Variants in EPB41 observed in about 807,000 individuals in gnomAD.
EPB41 encodes the protein protein 4.1.
In EPB41, 65 loss-of-function variants were observed where a neutral mutation model predicts 108.0. The ratio of observed to expected loss-of-function variants is 0.60; its 90% CI spans 0.49 to 0.74. The LOEUF is 0.74. Among genes scored for constraint, EPB41 ranks in the 30% least tolerant of loss-of-function variants. The pLI is 0.00. For missense variants in EPB41, 875 were observed against 1,037.0 expected, an observed-to-expected ratio of 0.84 and a Z score of 2.15; for synonymous variants, 336 against 358.9, an observed-to-expected ratio of 0.94 and a Z score of 0.72.
At chr1:29,037,301 C>G (rs990738180) in intron 10 of EPB41, among the ~76,000 whole-genome samples, 1 of 151,826 alleles carries the variant, frequency 6.6e-6, no homozygotes, top group African/African-American at 2.4e-5. Flanking sequence ...AGGCTGGTCT[C>G]GAACTCCTGA....
chr1:29,059,350 T>C (rs939006307), intron 14 of EPB41, among the ~76,000 whole-genome samples: 1 of 152,164 alleles, frequency 6.6e-6, no homozygotes, highest in East Asian at 1.9e-4. Context: ...CAAAATATGT[T>C]TTTAAGCAAA....
rs532527762 is a variant in EPB41 at position 29,065,322 on chromosome 1, T to C, written c.2184+164T>C. The C allele has an allele frequency of 3.1e-4, 408 of 1,322,440 alleles. 2 individuals are homozygous for C. Among genetic ancestry groups the C allele is most frequent in the Non-Finnish European group, 1.5e-4 (149 of 1,018,474 alleles). 81.9% of individuals were successfully genotyped at this position (1,322,440 alleles called of 1,614,324 possible). A position where few individuals can be genotyped will look rare whatever the true frequency, so the allele number is the denominator to read the frequency against. On this transcript the variant is annotated intron_variant, in intron 16 of 20. Transcript: ENST00000343067. ...CATTTGTAATCAAATATTTATTTTT[T>C]TTTAAGTCAGGTAGGCTACCCAGTG...
chr1:29,097,725 CTT>C lies in EPB41; in HGVS notation c.2185-80_2185-79del. 6 of 1,522,792 alleles carry C rather than the reference CTT, an allele frequency of 3.9e-6. No homozygotes were observed. The South Asian group carries it at 6.8e-5, about 17-fold the overall frequency. The allele number at this position is 1,522,792 out of a possible 1,614,324, so 94.3% of individuals were successfully genotyped here. On this transcript the variant is annotated intron_variant, in intron 16 of 20. Coordinates refer to ENST00000343067, the MANE Select transcript of EPB41 (RefSeq NM_001376013.1). ...GCTCTGTACTTAATTAAAGCTAACACTTTGATCAGATCAGTGTCAGAAGATTA... is the reference window on the plus strand; with the variant it reads ...GCTCTGTACTTAATTAAAGCTAACACTGATCAGATCAGTGTCAGAAGATTA...
rs1572543871 is a variant in EPB41, at chr1:29,018,439, A to T, written c.1121A>T (p.Tyr374Phe). Residue 374 changes from tyrosine (Y) to phenylalanine (F), a missense_variant, in exon 7 of 21, where the codon TAC becomes TTC. By Grantham distance (22) the Tyr-to-Phe change is conservative. Transcript: ENST00000343067. This position sits in a 1 kb window ranked among gnomAD's most constrained non-coding sequence, Gnocchi z 4.4. ...EEKVMELHKS[Y>F]RSMTPAQADL... ...AAGGTCATGGAACTGCATAAGTCATACAGGTGAATATGTCTCCAGGGTTTG... is the reference window on the plus strand; with the variant it reads ...AAGGTCATGGAACTGCATAAGTCATTCAGGTGAATATGTCTCCAGGGTTTG... The T allele has an allele frequency of 1.2e-6, 2 of 1,613,892 alleles. No individual in the cohort carries two copies. The highest frequency in any genetic ancestry group is 1.7e-6 in the Non-Finnish European group (2 of 1,179,924).
chr1:28,966,225 A>G (rs953630559), intron 1 of EPB41, among the ~76,000 whole-genome samples: 5 of 152,006 alleles, frequency 3.3e-5, no homozygotes, highest in Admixed American at 6.6e-5. Context: ...TAATTAAGTT[A>G]CAGTTAGCAT....
chr1:29,042,102 A>C (rs1160115340), intron 11 of EPB41, among the ~76,000 whole-genome samples: 1 of 152,252 alleles, frequency 6.6e-6, no homozygotes, highest in South Asian at 2.1e-4. Context: ...CAGCAGCCAT[A>C]GTCACCATTT....
At chr1:29,042,925 T>C (rs1642061547) in intron 11 of EPB41, among the ~76,000 whole-genome samples, 1 of 152,160 alleles carries the variant, frequency 6.6e-6, no homozygotes, top group Non-Finnish European at 1.5e-5. Flanking sequence ...TGACATCTGG[T>C]AAATGGAAGT....
Position 28,987,838 on chromosome 1 carries a change from C to G in EPB41, c.401C>G (p.Ala134Gly). Residue 134 changes from alanine (A) to glycine (G), a missense_variant, in exon 2 of 21, where the codon GCT (alanine) becomes GGT (glycine). By Grantham distance (60) the Ala-to-Gly change is moderately conservative (BLOSUM62 0). Coordinates refer to ENST00000343067, the MANE Select transcript of EPB41 (RefSeq NM_001376013.1). ...ATCATTTTAAAGGCCCCAATTGCAGCTCCTGAACCGGAACTCAAAACAGAC... is the reference window on the plus strand; with the variant it reads ...ATCATTTTAAAGGCCCCAATTGCAGGTCCTGAACCGGAACTCAAAACAGAC... The part of the protein sequence containing the change: ...EEIILKAPIA[A>G]PEPELKTDPS... The G allele has an allele frequency of 6.2e-7, 1 of 1,614,210 alleles. No homozygotes were observed. The highest frequency in any genetic ancestry group is 2.2e-5 in the East Asian group (1 of 44,888).
At chr1:29,016,864 C>T (rs2096585358) in intron 6 of EPB41, among the ~76,000 whole-genome samples, 1 of 152,162 alleles carries the variant, frequency 6.6e-6, no homozygotes, top group African/African-American at 2.4e-5. Flanking sequence ...TCTGATTTTG[C>T]TGCCAACTAT....
At position 29,018,320 on chromosome 1, in the gene EPB41, G is replaced by C; in HGVS notation, c.1002G>C (p.Gln334His). The C allele has an allele frequency of 6.2e-7, 1 of 1,614,144 alleles. No homozygotes were observed. The highest frequency in any genetic ancestry group is 8.5e-7 in the Non-Finnish European group (1 of 1,180,034). Residue 334 changes from glutamine to histidine, a missense_variant, in exon 7 of 21, where the codon CAG (glutamine) becomes CAC (histidine). By Grantham distance (24) the Gln-to-His change is conservative. Around this residue, in one of 3 missense-constraint regions of EPB41, gnomAD observed 353 missense variants for 393.2 expected, o/e 0.90. Coordinates refer to ENST00000343067, the MANE Select transcript of EPB41 (RefSeq NM_001376013.1). The surrounding 1 kb of genome is among the most constrained non-coding windows in gnomAD (Gnocchi z 4.4). ...CATTATTAGGTTCTTACACCATCCA[G>C]TCTGAACTGGGAGACTACGACCCAG... is the stretch of plus-strand genomic sequence containing the variant. ...TLALLGSYTI[Q>H]SELGDYDPEL...
chr1:28,975,906 A>C (rs1160034980), intron 1 of EPB41, among the ~76,000 whole-genome samples: 5 of 141,336 alleles, frequency 3.5e-5, no homozygotes, highest in Admixed American at 1.6e-4. Context: ...CCGCCACTGC[A>C]CTCCAGCCTG....
chr1:29,111,638 G>C (rs1317170621), intron 18 of EPB41, among the ~76,000 whole-genome samples: 1 of 151,680 alleles, frequency 6.6e-6, no homozygotes, highest in East Asian at 1.9e-4. Flanking sequence ...GGGCGACAGA[G>C]CAAGACTCCG....
At chr1:28,983,465 G>A (rs928879683) in intron 1 of EPB41, among the ~76,000 whole-genome samples, 1 of 152,088 alleles carries the variant, frequency 6.6e-6, no homozygotes, top group African/African-American at 2.4e-5. Flanking sequence ...TATTAGAATT[G>A]TAGAATCTCA....
At chr1:28,990,366 T>G (rs2095988691) in intron 2 of EPB41, among the ~76,000 whole-genome samples, 1 of 111,426 alleles carries the variant, frequency 9.0e-6, no homozygotes, top group Non-Finnish European at 1.8e-5. Context: ...CCTTCCTCTC[T>G]TCCTCTGCCT....
At chr1:28,956,190 G>A (rs1429984048) in intron 1 of EPB41, among the ~76,000 whole-genome samples, 1 of 152,206 alleles carries the variant, frequency 6.6e-6, no homozygotes, top group Non-Finnish European at 1.5e-5. Flanking sequence ...TTCCTAATTC[G>A]CTAGGAACAC....
At chr1:28,935,871 A>T (rs933442886) in intron 1 of EPB41, among the ~76,000 whole-genome samples, 4 of 151,630 alleles carry the variant, frequency 2.6e-5, no homozygotes, top group Admixed American at 2.0e-4. Flanking sequence ...GTCAGCCGAG[A>T]CTGTGCCATT....
At chr1:28,928,051 G>C (rs1172448065) in intron 1 of EPB41, among the ~76,000 whole-genome samples, 1 of 151,966 alleles carries the variant, frequency 6.6e-6, no homozygotes, top group Non-Finnish European at 1.5e-5. Context: ...ACACAGCTGA[G>C]ACCAGGCTGT....
chr1:29,063,891 C>T (rs1367690704), intron 15 of EPB41, among the ~76,000 whole-genome samples: 1 of 151,968 alleles, frequency 6.6e-6, no homozygotes, highest in Non-Finnish European at 1.5e-5. Context: ...TATTTTTGGC[C>T]AAGTCCCCTT....
intron 16 of EPB41, chr1:29,070,024 A>C (rs1020754372): frequency 5.7e-6 from 1 of 173,960 alleles, no homozygotes; most frequent in Non-Finnish European, 1.2e-5. Context: ...GCATTGCCCA[A>C]TTAGTGATTG....
Sources: gnomAD v4.1 joint callset for allele counts (sites outside exome capture counted in the v4.1 genomes callset) on GRCh38, gnomAD v4.1.1 for gene constraint, gnomAD v4.1.1 regional missense constraint, Gnocchi (gnomAD v3.1) non-coding constraint, MANE v1.5 for transcripts, NCBI Gene and HGNC (gene_info 2026-07-23, HGNC 2026-07-21) for gene names.